GALNT13: variants seen among roughly 807,000 people sequenced by gnomAD.
The protein encoded by GALNT13 is UDP-GalNAc:polypeptide N-acetylgalactosaminyltransferase 13.
A neutral mutation model predicts 64.2 loss-of-function variants in GALNT13; 28 were observed. The ratio of observed to expected loss-of-function variants is 0.44; its 90% CI spans 0.32 to 0.60. GALNT13 has a LOEUF of 0.60. Among genes scored for constraint, GALNT13 ranks in the 20% least tolerant of loss-of-function variants. The pLI, the probability that GALNT13 is intolerant of heterozygous loss-of-function variation, is 0.05. For synonymous variants in GALNT13, 214 were observed against 224.6 expected, an observed-to-expected ratio of 0.95 and a Z score of 0.42; for missense variants, 577 against 669.8, an observed-to-expected ratio of 0.86 and a Z score of 1.53.
chr2:154,434,940 A>T (rs1046182745), intron 11 of GALNT13, among the ~76,000 whole-genome samples: 1 of 152,284 alleles, frequency 6.6e-6, no homozygotes, highest in African/African-American at 2.4e-5. Flanking sequence ...CACATTTTTT[A>T]AAAAAGGTAG....
At chr2:153,953,093 A>C (rs1692310756) in intron 3 of GALNT13, among the ~76,000 whole-genome samples, 1 of 152,086 alleles carries the variant, frequency 6.6e-6, no homozygotes, top group Non-Finnish European at 1.5e-5. Flanking sequence ...ACACACACAC[A>C]TACACCCAGG....
chr2:154,429,711 G>T (rs1053875255), intron 11 of GALNT13, among the ~76,000 whole-genome samples: 1 of 152,166 alleles, frequency 6.6e-6, no homozygotes, highest in African/African-American at 2.4e-5. Flanking sequence ...GATGCCATCT[G>T]GGACTTCCAT....
chr2:153,886,867 G>T (rs921590540), intron 1 of GALNT13, among the ~76,000 whole-genome samples: 1 of 151,868 alleles, frequency 6.6e-6, no homozygotes, highest in Non-Finnish European at 1.5e-5. Context: ...TCTAAGATAA[G>T]ATAAATGTAG....
chr2:153,742,774 G>T, the GALNT13 span, among the ~76,000 whole-genome samples: 7 of 152,008 alleles, frequency 4.6e-5, no homozygotes, highest in African/African-American at 1.4e-4. Flanking sequence ...TGGCTGCATA[G>T]TATTTCATGG....
intron 9 of GALNT13, among the ~76,000 whole-genome samples, chr2:154,324,061 G>A (rs915962669): frequency 3.9e-5 from 6 of 151,918 alleles, no homozygotes; most frequent in African/African-American, 1.2e-4. Context: ...AATATAGCAA[G>A]GTCAACATTT....
chr2:154,385,508 T>C (rs1698470145), intron 9 of GALNT13, among the ~76,000 whole-genome samples: 1 of 151,982 alleles, frequency 6.6e-6, no homozygotes, highest in Non-Finnish European at 1.5e-5. Context: ...TGAACAACAT[T>C]TGACCCTACT....
At chr2:153,404,984 C>T in the GALNT13 span, among the ~76,000 whole-genome samples, 1 of 152,152 alleles carries the variant, frequency 6.6e-6, no homozygotes, top group Non-Finnish European at 1.5e-5. Flanking sequence ...TGTCACATTT[C>T]CTGCAGATAT....
At chr2:153,257,335 G>T in the GALNT13 span, among the ~76,000 whole-genome samples, 1 of 152,060 alleles carries the variant, frequency 6.6e-6, no homozygotes, top group Non-Finnish European at 1.5e-5. Context: ...CGCACCCACT[G>T]ACCTGCGCCC....
the GALNT13 span, among the ~76,000 whole-genome samples, chr2:153,214,142 G>C: frequency 1.3e-5 from 2 of 152,078 alleles, no homozygotes; most frequent in Non-Finnish European, 2.9e-5. Flanking sequence ...TTAAAATAAT[G>C]GTTTATCTAC....
chr2:153,273,649 C>A, the GALNT13 span, among the ~76,000 whole-genome samples: 1 of 152,138 alleles, frequency 6.6e-6, no homozygotes, highest in South Asian at 2.1e-4. Context: ...TCAAGATAAA[C>A]TTTGGGAATT....
the GALNT13 span, among the ~76,000 whole-genome samples, chr2:153,689,417 A>G: frequency 1.3e-5 from 2 of 152,042 alleles, no homozygotes; most frequent in African/African-American, 4.8e-5. Context: ...TATTCTAGAC[A>G]TAAGTACTTT....
intron 4 of GALNT13, among the ~76,000 whole-genome samples, chr2:154,225,217 G>T (rs1688554714): frequency 6.6e-6 from 1 of 151,840 alleles, no homozygotes; most frequent in Non-Finnish European, 1.5e-5. Flanking sequence ...GAGACTGAGA[G>T]AAAATTGACG....
the GALNT13 span, among the ~76,000 whole-genome samples, chr2:153,367,455 T>C: frequency 6.6e-6 from 1 of 152,082 alleles, no homozygotes; most frequent in Non-Finnish European, 1.5e-5. Context: ...TATACAAGAA[T>C]GGGAACTTTG....
intron 3 of GALNT13, among the ~76,000 whole-genome samples, chr2:154,098,633 G>A (rs1293474708): frequency 2.6e-5 from 4 of 151,942 alleles, no homozygotes; most frequent in Admixed American, 1.3e-4. Context: ...TTATGTTTAT[G>A]TGTACCCATT....
chr2:154,052,655 G>T (rs1186021745), intron 3 of GALNT13, among the ~76,000 whole-genome samples: 2 of 150,900 alleles, frequency 1.3e-5, no homozygotes, highest in Non-Finnish European at 3.0e-5. Context: ...TCCAATACAT[G>T]TTGGTGTGCT....
At chr2:153,437,925 T>C in the GALNT13 span, among the ~76,000 whole-genome samples, 3 of 152,264 alleles carry the variant, frequency 2.0e-5, no homozygotes, top group Non-Finnish European at 4.4e-5. Context: ...CTAGCCTCGA[T>C]GGTCTTTACA....
chr2:153,278,857 C>T, the GALNT13 span, among the ~76,000 whole-genome samples: 1 of 151,958 alleles, frequency 6.6e-6, no homozygotes, highest in Non-Finnish European at 1.5e-5. Flanking sequence ...TGGTCCCATA[C>T]GAGTTTTAGA....
intron 3 of GALNT13, among the ~76,000 whole-genome samples, chr2:154,054,752 C>A (rs1183906837): frequency 1.3e-5 from 2 of 151,680 alleles, no homozygotes; most frequent in Admixed American, 6.6e-5. Flanking sequence ...AAGAGCAACA[C>A]CTTTGTAGGA....
the GALNT13 span, chr2:153,762,646 T>C: frequency 6.5e-6 from 1 of 153,626 alleles, no homozygotes; most frequent in Non-Finnish European, 1.5e-5. Flanking sequence ...TATTTCACCA[T>C]TTTCTACAGC....
Sources: allele counts gnomAD v4.1 joint callset (sites outside exome capture counted in the v4.1 genomes callset), GRCh38; gene constraint gnomAD v4.1.1; transcripts MANE v1.5; gene names NCBI Gene and HGNC (gene_info 2026-07-23, HGNC 2026-07-21).